Variants in NRXN1 observed in about 807,000 individuals in gnomAD.
NRXN1 encodes neurexin 1.
NRXN1 carries 39 observed loss-of-function variants against 150.9 expected under a neutral mutation model. That is an observed-to-expected ratio of 0.26 (90% confidence interval 0.20 to 0.34). The LOEUF (loss-of-function observed/expected upper bound fraction) is 0.34, where lower values mean the gene tolerates loss of function less well. Ranked by LOEUF, NRXN1 falls within the 10% of genes least tolerant of loss-of-function variation. NRXN1 has a pLI of 1.00. For synonymous variants in NRXN1, 924 were observed against 757.0 expected (o/e 1.22, Z -3.62); for missense variants, 1,815 against 1,949.9 (o/e 0.93, Z 1.30).
intron 17 of NRXN1, among the ~76,000 whole-genome samples, chr2:50,377,491 A>C (rs2080602137): frequency 6.6e-6 from 1 of 152,098 alleles, no homozygotes; most frequent in African/African-American, 2.4e-5. Flanking sequence ...TTCTTTATTT[A>C]ATCTATCATT....
chr2:50,726,213 T>C (rs13387492), intron 5 of NRXN1, among the ~76,000 whole-genome samples: 30,864 of 152,154 alleles, frequency 0.2, 3,708 homozygotes, highest in East Asian at 0.44. Flanking sequence ...TTAACAACTT[T>C]TATTTGTGCT....
chr2:50,805,647 G>C (rs1667415796), intron 5 of NRXN1, among the ~76,000 whole-genome samples: 1 of 152,022 alleles, frequency 6.6e-6, no homozygotes, highest in Non-Finnish European at 1.5e-5. Flanking sequence ...CAAAAGGACG[G>C]AAGGAAGGAA....
intron 2 of NRXN1, among the ~76,000 whole-genome samples, chr2:50,943,355 T>C (rs981343221): frequency 1.3e-5 from 2 of 152,196 alleles, no homozygotes; most frequent in Non-Finnish European, 2.9e-5. Flanking sequence ...AAACTGCAAT[T>C]ACTTTTGCAC....
At chr2:50,300,381 A>T (rs904659404) in intron 17 of NRXN1, among the ~76,000 whole-genome samples, 4 of 152,202 alleles carry the variant, frequency 2.6e-5, no homozygotes, top group African/African-American at 7.2e-5. Flanking sequence ...TACTATGGAA[A>T]AACAGAGATA....
At chr2:50,227,724 T>C (rs1435158372) in intron 18 of NRXN1, among the ~76,000 whole-genome samples, 1 of 151,908 alleles carries the variant, frequency 6.6e-6, no homozygotes, top group African/African-American at 2.4e-5. Context: ...TAGAAGGCTA[T>C]TGCAACAGTT....
chr2:50,259,625 C>G (rs2152909067), intron 17 of NRXN1, among the ~76,000 whole-genome samples: 1 of 151,874 alleles, frequency 6.6e-6, no homozygotes, highest in Admixed American at 6.6e-5. Flanking sequence ...ACAATTAACT[C>G]CTCATCTCTT....
intron 2 of NRXN1, among the ~76,000 whole-genome samples, chr2:51,005,007 A>T (rs1178144538): frequency 6.6e-6 from 1 of 152,030 alleles, no homozygotes; most frequent in Non-Finnish European, 1.5e-5. Context: ...CTACATACAT[A>T]TCTACTACAT....
chr2:50,842,697 T>C (rs889450799), intron 5 of NRXN1, among the ~76,000 whole-genome samples: 2 of 152,212 alleles, frequency 1.3e-5, no homozygotes, highest in African/African-American at 4.8e-5. Flanking sequence ...TGTACATAAA[T>C]GACCCCCAAA....
At chr2:50,218,215 T>C (rs1021126230) in intron 18 of NRXN1, among the ~76,000 whole-genome samples, 5 of 152,104 alleles carry the variant, frequency 3.3e-5, no homozygotes, top group African/African-American at 7.2e-5. Flanking sequence ...TTGAAGCATA[T>C]GCAATATCTC....
intron 15 of NRXN1, among the ~76,000 whole-genome samples, chr2:50,485,751 G>A (rs183438479): frequency 6.6e-6 from 1 of 152,332 alleles, no homozygotes; most frequent in African/African-American, 2.4e-5. Context: ...AGGGATTAAG[G>A]TTGGAAGTTC....
rs567362286 is a variant in NRXN1 at position 50,525,604 on chromosome 2, T to G, written c.2374+3021A>C. ...AATGGTATAAGCTAATGAGCATCAATAAACTGAGACTCGTCTGGGATTGTG... is the reference window on the plus strand; with the variant it reads ...AATGGTATAAGCTAATGAGCATCAAGAAACTGAGACTCGTCTGGGATTGTG... On this transcript the variant is annotated intron_variant, in intron 12 of 22. Transcript: ENST00000401669. Among the ~76,000 whole-genome samples the G allele has an allele frequency of 1.2e-4, 19 of 152,308 alleles. No homozygotes were observed. The South Asian group carries it at 2.7e-3, about 22-fold the overall frequency.
At chr2:50,097,430 G>A (rs1700369154) in intron 18 of NRXN1, among the ~76,000 whole-genome samples, 2 of 152,128 alleles carry the variant, frequency 1.3e-5, no homozygotes, top group Admixed American at 1.3e-4. Flanking sequence ...AATCTACATT[G>A]TTGATTGAAA....
chr2:50,608,824 A>G (rs1392676154), intron 8 of NRXN1, among the ~76,000 whole-genome samples: 2 of 152,154 alleles, frequency 1.3e-5, no homozygotes, highest in East Asian at 3.9e-4. Context: ...CTTCTGAAAA[A>G]TAATGCGAAA....
At chr2:50,391,129 A>G (rs180775004) in intron 17 of NRXN1, among the ~76,000 whole-genome samples, 15 of 152,244 alleles carry the variant, frequency 9.9e-5, no homozygotes, top group African/African-American at 3.6e-4. Context: ...CAGCAGAATT[A>G]AAAGGTCTTG....
At chr2:49,988,756 G>A (rs1372289740) in intron 21 of NRXN1, among the ~76,000 whole-genome samples, 2 of 152,032 alleles carry the variant, frequency 1.3e-5, no homozygotes, top group Non-Finnish European at 2.9e-5. Flanking sequence ...TATTTGAACT[G>A]TAAAGGATAT....
chr2:49,995,351 G>A (rs1308532113), intron 21 of NRXN1, among the ~76,000 whole-genome samples: 3 of 152,158 alleles, frequency 2.0e-5, no homozygotes, highest in Non-Finnish European at 4.4e-5. Flanking sequence ...AATTATAGGG[G>A]TGTTGAAATT....
At chr2:50,700,643 T>C (rs1693603308) in intron 5 of NRXN1, among the ~76,000 whole-genome samples, 2 of 152,156 alleles carry the variant, frequency 1.3e-5, no homozygotes, top group African/African-American at 4.8e-5. Context: ...AATACCCTAT[T>C]TTGTTCCCAC....
At chr2:50,858,728 A>G (rs187601573) in intron 5 of NRXN1, among the ~76,000 whole-genome samples, 21 of 152,272 alleles carry the variant, frequency 1.4e-4, no homozygotes, top group Middle Eastern at 3.4e-3. Flanking sequence ...TAAGTTTTTA[A>G]ATGAAAAATC....
chr2:50,279,722 A>T (rs1520523), intron 17 of NRXN1, among the ~76,000 whole-genome samples: 25,409 of 152,086 alleles, frequency 0.17, 2,322 homozygotes, highest in East Asian at 0.36. Context: ...AAAGAAAAAA[A>T]ATTCACTTCG....
Sources: gnomAD v4.1 joint callset for allele counts (sites outside exome capture counted in the v4.1 genomes callset) on GRCh38, gnomAD v4.1.1 for gene constraint, MANE v1.5 for transcripts, NCBI Gene and HGNC (gene_info 2026-07-23, HGNC 2026-07-21) for gene names.